The following KANK1 variants were observed in gnomAD, a reference collection of about 807,000 sequenced individuals.
The protein encoded by KANK1 is KN motif and ankyrin repeat domain-containing protein 1.
KANK1 carries 109 observed loss-of-function variants against 106.2 expected under a neutral mutation model. That is an observed-to-expected ratio of 1.03 (90% CI 0.88 to 1.20). The LOEUF is 1.20. KANK1 is among the 50% of genes most tolerant of loss of function. KANK1 has a pLI of 0.00. For synonymous variants in KANK1, 873 were observed against 652.2 expected, an observed-to-expected ratio of 1.34 and a Z score of -5.16; for missense variants, 2,399 against 1,710.7, an observed-to-expected ratio of 1.40 and a Z score of -7.10.
chr9:496,496 G>C (rs889437734), intron 3 of KANK1, among the ~76,000 whole-genome samples: 7 of 152,322 alleles, frequency 4.6e-5, no homozygotes, highest in African/African-American at 1.7e-4. Context: ...GGTGGACGTT[G>C]CAGTGAGCTG....
intron 1 of KANK1, among the ~76,000 whole-genome samples, chr9:603,444 C>G (rs554968833): frequency 6.6e-6 from 1 of 151,790 alleles, no homozygotes; most frequent in Non-Finnish European, 1.5e-5. Context: ...TGTGTGTCTT[C>G]CATCTAATGT....
intron 1 of KANK1, among the ~76,000 whole-genome samples, chr9:580,967 T>A (rs914803850): frequency 2.6e-5 from 4 of 152,142 alleles, no homozygotes; most frequent in African/African-American, 9.7e-5. Context: ...GCTGGCAGGC[T>A]GACACTGCTA....
chr9:712,926 A>C lies in KANK1; in HGVS notation c.2160A>C (p.Gly720=). 1 of 1,614,146 alleles carries C rather than the reference A, an allele frequency of 6.2e-7. No individual in the cohort carries two copies. The highest frequency in any genetic ancestry group is 1.1e-5 in the South Asian group (1 of 91,048). Reference sequence around the variant, plus strand: ...TGGAGACGCGGACAGTAGCTGTAGGAGAAGGCCGTGTCAAGGACATCAACT... The same window carrying C: ...TGGAGACGCGGACAGTAGCTGTAGGCGAAGGCCGTGTCAAGGACATCAACT... ...QTVETRTVAV[G]EGRVKDINSS... The change falls in exon 3 of 12, where the codon GGA becomes GGC. Residue 720 remains glycine (G), a synonymous_variant. Transcript: ENST00000382297.
At position 633,869 on chromosome 9, in the gene KANK1, C is replaced by T. The variant is rs1253816988; in HGVS notation, c.-83-43021C>T. On this transcript the variant is annotated intron_variant, in intron 1 of 11. Transcript: ENST00000382297. ...GTCTCCTTATGTTGCCCAGGCTGGG[C>T]CCAACTCCTAGCTTCAAGTGATCCT... Among the ~76,000 whole-genome samples the T allele has an allele frequency of 3.3e-5, 5 of 152,132 alleles. No individual in the cohort carries two copies. In the East Asian group the frequency reaches 9.7e-4, roughly 29 times the overall value.
rs1364726143 is a variant in KANK1 at position 711,214 on chromosome 9, CATAACCT to C, written c.449_455del (p.His150LeufsTer7). On this transcript the variant is annotated frameshift_variant, in exon 3 of 12. Transcript: ENST00000382297. LOFTEE classifies it high-confidence loss of function. ...ACCTCCCTCACCACAACTCCCAAAG[CATAACCT>C]TCATGTCACCAAGACACTGATGGAG... The C allele has an allele frequency of 2.5e-6, 4 of 1,614,168 alleles. No homozygotes were observed. The highest frequency in any genetic ancestry group is 2.5e-6 in the Non-Finnish European group (3 of 1,180,028).
At chr9:718,243 C>T (rs967620968) in intron 3 of KANK1, among the ~76,000 whole-genome samples, 6 of 149,336 alleles carry the variant, frequency 4.0e-5, no homozygotes, top group Non-Finnish European at 5.9e-5. Flanking sequence ...AGTGGAAGGC[C>T]TAGAAGTCAG....
chr9:613,475 T>C (rs1480548711), intron 1 of KANK1, among the ~76,000 whole-genome samples: 4 of 152,060 alleles, frequency 2.6e-5, no homozygotes, highest in Non-Finnish European at 4.4e-5. Context: ...TTTTTAAAGC[T>C]CATAAGCTAT....
intron 1 of KANK1, among the ~76,000 whole-genome samples, chr9:674,608 A>T (rs1816005310): frequency 6.6e-6 from 1 of 152,034 alleles, no homozygotes; most frequent in African/African-American, 2.4e-5. Flanking sequence ...AATCTTCATG[A>T]TTGTAGCCTG....
chr9:744,382 T>G, intron 10 of KANK1, 109 bp from the exon 11 acceptor site: 1 of 1,268,236 alleles, frequency 7.9e-7, no homozygotes, highest in Non-Finnish European at 1.1e-6. Context: ...CGAGTAGGGA[T>G]ATTTGGGGAA....
chr9:585,278 C>G lies in KANK1; in HGVS notation c.-84+80524C>G, dbSNP rs149984249. On this transcript the variant is annotated intron_variant, in intron 1 of 11. Coordinates refer to ENST00000382297, the MANE Select transcript of KANK1 (RefSeq NM_015158.5). ...TGCCCGCTGTGCATCATCCTTGCTG[C>G]CATTGAGAGTTTGGTCTTAAAATGG... Among the ~76,000 whole-genome samples the G allele has an allele frequency of 2.7e-3, 413 of 152,284 alleles. 1 individual carries two copies. The highest frequency in any genetic ancestry group is 9.4e-3 in the African/African-American group (391 of 41,558).
chr9:682,951 CA>C (rs1438048453), intron 2 of KANK1, among the ~76,000 whole-genome samples: 1 of 152,144 alleles, frequency 6.6e-6, no homozygotes, highest in Non-Finnish European at 1.5e-5. Context: ...GAGCGTTTCT[CA>C]AACAGAACTC....
chr9:640,929 C>T (rs1448827255), intron 1 of KANK1, among the ~76,000 whole-genome samples: 1 of 152,052 alleles, frequency 6.6e-6, no homozygotes. Context: ...ATCTCCTGAC[C>T]TTGTTATCTG....
chr9:666,281 A>T (rs1407513123), intron 1 of KANK1, among the ~76,000 whole-genome samples: 3 of 152,146 alleles, frequency 2.0e-5, no homozygotes, highest in African/African-American at 7.2e-5. Context: ...ATTGGTATAT[A>T]TAAATGCTAC....
At chr9:613,969 C>G (rs191018888) in intron 1 of KANK1, among the ~76,000 whole-genome samples, 12 of 152,224 alleles carry the variant, frequency 7.9e-5, no homozygotes, top group African/African-American at 2.2e-4. Flanking sequence ...TTTTTCTCCT[C>G]CCCTCTTATT....
chr9:497,529 G>A (rs2058476643), intron 3 of KANK1, among the ~76,000 whole-genome samples: 1 of 145,448 alleles, frequency 6.9e-6, no homozygotes, highest in African/African-American at 2.8e-5. Context: ...TATTTGAGAA[G>A]GACAAAAACT....
At chr9:640,991 T>C (rs1471357805) in intron 1 of KANK1, among the ~76,000 whole-genome samples, 2 of 152,198 alleles carry the variant, frequency 1.3e-5, no homozygotes, top group African/African-American at 2.4e-5. Context: ...CCACCGCGCC[T>C]GGCCACCACT....
intron 1 of KANK1, among the ~76,000 whole-genome samples, chr9:559,084 T>A (rs1398270354): frequency 1.3e-5 from 2 of 152,232 alleles, no homozygotes; most frequent in Non-Finnish European, 1.5e-5. Flanking sequence ...TATTTCTTAA[T>A]TAACAACTGT....
At chr9:656,001 G>C (rs941113392) in intron 1 of KANK1, among the ~76,000 whole-genome samples, 2 of 152,194 alleles carry the variant, frequency 1.3e-5, no homozygotes, top group Admixed American at 1.3e-4. Flanking sequence ...CCCTTTAGGG[G>C]TTACTGCCCT....
intron 1 of KANK1, among the ~76,000 whole-genome samples, chr9:577,963 T>G (rs1207048338): frequency 6.6e-6 from 1 of 152,186 alleles, no homozygotes; most frequent in Non-Finnish European, 1.5e-5. Context: ...TGTTGATCAT[T>G]ACCTGTGCAC....
Sources: gnomAD v4.1 joint callset for allele counts (sites outside exome capture counted in the v4.1 genomes callset) on GRCh38, gnomAD v4.1.1 for gene constraint, MANE v1.5 for transcripts, NCBI Gene and HGNC (gene_info 2026-07-23, HGNC 2026-07-21) for gene names.